ATAD3C: variants seen among roughly 807,000 people sequenced by gnomAD.
The protein encoded by ATAD3C is ATPase family AAA domain-containing protein 3C.
Under a neutral mutation model 46.3 loss-of-function variants are expected in ATAD3C, and 38 were observed. The observed-to-expected ratio is 0.82, with a 90% CI of 0.63 to 1.08. ATAD3C has a LOEUF of 1.08. Ranked by LOEUF, ATAD3C falls within the 50% of genes least tolerant of loss-of-function variation. The pLI is 0.00. For synonymous variants in ATAD3C, 220 were observed against 236.4 expected (o/e 0.93, Z 0.63); for missense variants, 563 against 572.7 (o/e 0.98, Z 0.17).
intron 11 of ATAD3C, among the ~76,000 whole-genome samples, chr1:1,467,741 G>A (rs1394935525): frequency 6.6e-6 from 1 of 152,084 alleles, no homozygotes; most frequent in African/African-American, 2.4e-5. Context: ...CCTGACCCAT[G>A]GGTGCCTCCC....
At chr1:1,455,315 G>C in intron 4 of ATAD3C, 145 bp from the exon 5 acceptor site, 1 of 1,182,808 alleles carries the variant, frequency 8.5e-7, no homozygotes, top group Non-Finnish European at 1.2e-6. Flanking sequence ...CCAGTCTCCC[G>C]GCGGGGCGGG....
rs919792061 is a variant in ATAD3C, at chr1:1,451,940, G to A, written c.76-106G>A. ...GCGTCTGCAGGTCCCCAGGTGCCCG[G>A]GACGCTTGGAGCCCTGCGGTCCTGG... is the stretch of plus-strand genomic sequence containing the variant. On this transcript the variant is annotated intron_variant, in intron 1 of 11. Coordinates refer to ENST00000378785, the MANE Select transcript of ATAD3C (RefSeq NM_001039211.3). 7 of 1,504,768 alleles carry A rather than the reference G, an allele frequency of 4.7e-6. No individual in the cohort carries two copies. In the African/African-American group the frequency reaches 9.8e-5, roughly 21 times the overall value. The allele number at this position is 1,504,768 out of a possible 1,614,324, so 93.2% of individuals were successfully genotyped here.
At chr1:1,454,124 G>C (rs1323735495) in intron 3 of ATAD3C, among the ~76,000 whole-genome samples, 1 of 152,078 alleles carries the variant, frequency 6.6e-6, no homozygotes, top group East Asian at 1.9e-4. Context: ...CAGTTGCAGA[G>C]AAAATGGCCC....
In ATAD3C at chr1:1,452,579, G is replaced by A. The variant is rs1333052524; in HGVS notation, c.222+145G>A. The A allele has an allele frequency of 2.2e-6, 3 of 1,362,844 alleles. No homozygotes were observed. The Admixed American group carries it at 6.0e-5, about 27-fold the overall frequency. 84.4% of individuals were successfully genotyped at this position (1,362,844 alleles called of 1,614,324 possible). A position where few individuals can be genotyped will look rare whatever the true frequency, so the allele number is the denominator to read the frequency against. The stretch of plus-strand genomic sequence containing the variant: ...GAACAAGCCCAAACTGGACCTGCTG[G>A]TGGGAGCCGCTCCTCCCTCCTTGAG... On this transcript the variant is annotated intron_variant, in intron 3 of 11. Coordinates refer to ENST00000378785, the MANE Select transcript of ATAD3C (RefSeq NM_001039211.3).
In ATAD3C at chr1:1,454,351, G is replaced by A. The variant is rs1638914820; in HGVS notation, c.229G>A (p.Gly77Arg). Residue 77 changes from glycine to arginine, a missense_variant, in exon 4 of 12, where the codon GGG (glycine) becomes AGG (arginine). Around this residue, in one of 3 missense-constraint regions of ATAD3C, gnomAD observed 263 missense variants for 243.1 expected, o/e 1.08. Transcript: ENST00000378785. ...TGCGGTGTCTCTGCTGCAGGTGGCTGGGCTGACGCTGCTGGCTGTCGGGGT... is the reference window on the plus strand; with the variant it reads ...TGCGGTGTCTCTGCTGCAGGTGGCTAGGCTGACGCTGCTGGCTGTCGGGGT... ...DRDKVTATVA[G>R]LTLLAVGVYS... The A allele has an allele frequency of 1.3e-6, 2 of 1,598,424 alleles. No individual in the cohort carries two copies. Among genetic ancestry groups the A allele is most frequent in the African/African-American group, 1.3e-5 (1 of 74,574 alleles).
intron 3 of ATAD3C, 149 bp from the exon 4 acceptor site, chr1:1,454,196 G>A (rs1638910730): frequency 7.1e-7 from 1 of 1,416,488 alleles, no homozygotes; most frequent in African/African-American, 1.4e-5. Flanking sequence ...TGGGATTCGG[G>A]GCTGGGAATT....
In ATAD3C at chr1:1,454,411, C is replaced by G. The variant is rs1449664442; in HGVS notation, c.289C>G (p.Arg97Gly). 2 of 1,608,242 alleles carry G rather than the reference C, an allele frequency of 1.2e-6. No homozygotes were observed. Among genetic ancestry groups the G allele is most frequent in the East Asian group, 2.2e-5 (1 of 44,734 alleles). The part of the protein sequence containing the change: ...SAKNATAVTG[R>G]YIEARLGKPS... ...CAAGAATGCGACAGCCGTCACTGGC[C>G]GCTACATCGAGGCTCGGCTGGGGAA... Residue 97 changes from arginine (R) to glycine (G), a missense_variant, in exon 4 of 12, where the codon CGC (arginine) becomes GGC (glycine). By Grantham distance (125) the Arg-to-Gly change is moderately radical. Transcript: ENST00000378785.
intron 7 of ATAD3C, among the ~76,000 whole-genome samples, chr1:1,456,897 C>G (rs1570149016): frequency 6.6e-6 from 1 of 151,962 alleles, no homozygotes; most frequent in Non-Finnish European, 1.5e-5. Flanking sequence ...CTGGTGTGGA[C>G]TCTAAGCGGC....
rs1639080777 is a variant in ATAD3C at position 1,462,245 on chromosome 1, C to T, written c.981-355C>T. ...GGGCTCCCCGACACCCATGGCTGCT[C>T]GTAGCTCTGGCACCATGACCTGGCT... On this transcript the variant is annotated intron_variant, in intron 10 of 11. Coordinates refer to ENST00000378785, the MANE Select transcript of ATAD3C (RefSeq NM_001039211.3). This position sits in a 1 kb window ranked among gnomAD's most constrained non-coding sequence, Gnocchi z 4.5. Among the ~76,000 whole-genome samples the T allele has an allele frequency of 6.6e-6, 1 of 152,028 alleles. No homozygotes were observed. Among genetic ancestry groups the T allele is most frequent in the Admixed American group, 6.6e-5 (1 of 15,224 alleles).
intron 11 of ATAD3C, among the ~76,000 whole-genome samples, chr1:1,467,789 A>T (rs1639168532): frequency 6.6e-6 from 1 of 151,982 alleles, no homozygotes; most frequent in Non-Finnish European, 1.5e-5. Flanking sequence ...ATTGGGATGG[A>T]GAGTGACCTG....
chr1:1,453,012 C>T (rs932699688), intron 3 of ATAD3C, among the ~76,000 whole-genome samples: 7 of 152,018 alleles, frequency 4.6e-5, no homozygotes, highest in Admixed American at 2.0e-4. Context: ...CCCCCCACCC[C>T]GCCCAGCACA....
chr1:1,468,219 G>A (rs1427138471), intron 11 of ATAD3C, among the ~76,000 whole-genome samples, 165 bp from the exon 12 acceptor site: 1 of 152,076 alleles, frequency 6.6e-6, no homozygotes, highest in African/African-American at 2.4e-5. Context: ...TGCCCCCGGT[G>A]TCCACACACG....
rs752961653 is a variant in ATAD3C, at chr1:1,459,125, C to T, written c.742-36C>T. On this transcript the variant is annotated intron_variant, in intron 8 of 11. Coordinates refer to ENST00000378785, the MANE Select transcript of ATAD3C (RefSeq NM_001039211.3). This position sits in a 1 kb window ranked among gnomAD's most constrained non-coding sequence, Gnocchi z 4.9. ...TGCTGTGGCTGTTTACAAGGCTTTG[C>T]TCCTGGTGCCTAAGGCTGGAACCTT... is the stretch of plus-strand genomic sequence containing the variant. 37 of 1,580,716 alleles carry T rather than the reference C, an allele frequency of 2.3e-5. No homozygotes were observed. Among genetic ancestry groups the T allele is most frequent in the Non-Finnish European group, 3.1e-5 (36 of 1,165,628 alleles).
Position 1,462,842 on chromosome 1 carries a change from C to A in ATAD3C, c.1089+134C>A. 1 of 1,146,866 alleles carries A rather than the reference C, an allele frequency of 8.7e-7. No individual in the cohort carries two copies. The highest frequency in any genetic ancestry group is 1.2e-6 in the Non-Finnish European group (1 of 818,120). 71.0% of individuals were successfully genotyped at this position (1,146,866 alleles called of 1,614,324 possible). On this transcript the variant is annotated intron_variant, in intron 11 of 11. Coordinates refer to ENST00000378785, the MANE Select transcript of ATAD3C (RefSeq NM_001039211.3). This position sits in a 1 kb window ranked among gnomAD's most constrained non-coding sequence, Gnocchi z 4.5. ...AGGGGTTTTCAGTGCACAGATGTGA[C>A]ACGGGGCCCCTGCCCCAGTTGGGCC...
In ATAD3C at chr1:1,452,356, T is replaced by G; in HGVS notation, c.153-9T>G. The G allele has an allele frequency of 6.2e-7, 1 of 1,613,772 alleles. No homozygotes were observed. On this transcript the variant is annotated splice_polypyrimidine_tract_variant and intron_variant, in intron 2 of 11. Coordinates refer to ENST00000378785, the MANE Select transcript of ATAD3C (RefSeq NM_001039211.3). ...TTCCCTCCTGGTCACACCACTGCTT[T>G]CCCCACAGGGCGGCTGGCACCTTGT...
At chr1:1,460,007 G>A (rs995808795) in intron 9 of ATAD3C, among the ~76,000 whole-genome samples, 2 of 151,818 alleles carry the variant, frequency 1.3e-5, no homozygotes, top group African/African-American at 4.8e-5. Flanking sequence ...CAAGGCTGGG[G>A]CCCTGCTGAG....
Position 1,469,466 on chromosome 1 carries a change from C to T in ATAD3C, c.*936C>T, listed in dbSNP as rs1639205316. 2.8e-5 allele frequency: 3 copies of T among 107,418 alleles called. No homozygotes were observed. Among genetic ancestry groups the T allele is most frequent in the African/African-American group, 1.1e-4 (3 of 27,656 alleles). The allele number at this position is 107,418 out of a possible 1,614,324, so 6.7% of individuals were successfully genotyped here. A position where few individuals can be genotyped will look rare whatever the true frequency, so the allele number is the denominator to read the frequency against. On this transcript the variant is annotated 3_prime_UTR_variant, in exon 12 of 12. Transcript: ENST00000378785. ...GACTGTACCTCTAAATAACCAAAACCTTGATTACAGCCATGGGGTGGGGGT... is the reference window on the plus strand; with the variant it reads ...GACTGTACCTCTAAATAACCAAAACTTTGATTACAGCCATGGGGTGGGGGT...
chr1:1,465,649 T>TTTTCTG (rs1444840790), intron 11 of ATAD3C, among the ~76,000 whole-genome samples: 2 of 151,008 alleles, frequency 1.3e-5, no homozygotes, highest in Non-Finnish European at 3.0e-5. Context: ...ATTGCAGCTG[T>TTTTCTG]TTTTGCTGTT....
intron 1 of ATAD3C, among the ~76,000 whole-genome samples, chr1:1,451,724 G>T (rs1314944611): frequency 1.3e-5 from 2 of 152,056 alleles, no homozygotes; most frequent in East Asian, 3.8e-4. Flanking sequence ...CGTTTAATTG[G>T]CAGAAGACAG....
Sources: allele counts gnomAD v4.1 joint callset (sites outside exome capture counted in the v4.1 genomes callset), GRCh38; gene constraint gnomAD v4.1.1; regional missense constraint gnomAD v4.1.1; non-coding constraint Gnocchi (gnomAD v3.1); transcripts MANE v1.5; gene names NCBI Gene and HGNC (gene_info 2026-07-23, HGNC 2026-07-21).